EBF2: variants seen among roughly 807,000 people sequenced by gnomAD.
The protein encoded by EBF2 is EBF transcription factor 2.
In EBF2, 21 loss-of-function variants were observed where a neutral mutation model predicts 72.8. The ratio of observed to expected loss-of-function variants is 0.29; its 90% CI spans 0.20 to 0.42. The LOEUF is 0.42. Ranked by LOEUF, EBF2 falls within the 10% of genes least tolerant of loss-of-function variation. The pLI is 1.00. For synonymous variants in EBF2, 299 were observed against 274.2 expected (o/e 1.09, Z -0.89); for missense variants, 637 against 731.2 (o/e 0.87, Z 1.49).
At chr8:25,976,843 G>C (rs754256488) in intron 6 of EBF2, among the ~76,000 whole-genome samples, 1 of 152,202 alleles carries the variant, frequency 6.6e-6, no homozygotes, top group African/African-American at 2.4e-5. Context: ...GATAATAAAG[G>C]GTTTAAACTT....
intron 6 of EBF2, among the ~76,000 whole-genome samples, chr8:25,956,787 A>G (rs1803955896): frequency 6.6e-6 from 1 of 152,166 alleles, no homozygotes; most frequent in African/African-American, 2.4e-5. Context: ...TCCACTCCTC[A>G]CCTAATTTTC....
intron 10 of EBF2, among the ~76,000 whole-genome samples, chr8:25,874,831 C>A (rs1338144846): frequency 6.6e-6 from 1 of 150,716 alleles, no homozygotes; most frequent in Non-Finnish European, 1.5e-5. Flanking sequence ...ACTACAAGCC[C>A]ATGCCCCACC....
At chr8:25,919,103 G>T (rs1221718236) in intron 6 of EBF2, among the ~76,000 whole-genome samples, 2 of 152,178 alleles carry the variant, frequency 1.3e-5, no homozygotes, top group Non-Finnish European at 1.5e-5. Flanking sequence ...CCTCTTTCAT[G>T]CTGGAGAGTG....
At chr8:25,902,320 T>C (rs1441526833) in intron 7 of EBF2, among the ~76,000 whole-genome samples, 1 of 152,144 alleles carries the variant, frequency 6.6e-6, no homozygotes, top group African/African-American at 2.4e-5. Context: ...ACATTTCTTT[T>C]CTTTTCCTTC....
intron 6 of EBF2, among the ~76,000 whole-genome samples, chr8:26,002,520 C>A (rs947045502): frequency 6.6e-6 from 1 of 151,962 alleles, no homozygotes; most frequent in African/African-American, 2.4e-5. Flanking sequence ...GGGCTGAGCA[C>A]TTCTCTGCCT....
At chr8:25,993,934 T>G (rs1804583303) in intron 6 of EBF2, among the ~76,000 whole-genome samples, 1 of 152,100 alleles carries the variant, frequency 6.6e-6, no homozygotes, top group African/African-American at 2.4e-5. Flanking sequence ...GGATATGGCC[T>G]AAGAGTTTTA....
intron 6 of EBF2, among the ~76,000 whole-genome samples, chr8:25,979,989 G>T (rs1222810745): frequency 6.6e-6 from 1 of 151,540 alleles, no homozygotes; most frequent in Non-Finnish European, 1.5e-5. Flanking sequence ...TCTGAAAAAT[G>T]AAAAGGAAAA....
At chr8:25,942,496 G>A (rs942641771) in intron 6 of EBF2, among the ~76,000 whole-genome samples, 9 of 152,204 alleles carry the variant, frequency 5.9e-5, no homozygotes, top group African/African-American at 2.2e-4. Flanking sequence ...TGGACACAAT[G>A]TCCCCTTGGG....
In EBF2 at chr8:26,036,492, T is replaced by C. The variant is rs376179964; in HGVS notation, c.483-3339A>G. Among the ~76,000 whole-genome samples, 8 of 152,322 alleles carry C rather than the reference T, an allele frequency of 5.3e-5. No individual in the cohort carries two copies. The South Asian group carries it at 1.7e-3, about 32-fold the overall frequency. On this transcript the variant is annotated intron_variant, in intron 5 of 15. Transcript: ENST00000520164. ...TAGAACTTGGTTGAATTAGCCCCAT[T>C]TGAGCCCATCTTAAATTTTTTTCTG...
intron 6 of EBF2, among the ~76,000 whole-genome samples, chr8:25,964,318 C>A (rs186347439): frequency 6.6e-6 from 1 of 152,268 alleles, no homozygotes; most frequent in African/African-American, 2.4e-5. Flanking sequence ...TGGCAAATTG[C>A]ACACAACCAA....
intron 6 of EBF2, among the ~76,000 whole-genome samples, chr8:25,919,963 T>C (rs1803281352): frequency 6.6e-6 from 1 of 152,204 alleles, no homozygotes; most frequent in African/African-American, 2.4e-5. Context: ...TTGGAGAGTT[T>C]TTATATGCCA....
chr8:25,870,283 C>G (rs952325159), intron 10 of EBF2, among the ~76,000 whole-genome samples: 5 of 151,768 alleles, frequency 3.3e-5, no homozygotes, highest in African/African-American at 1.2e-4. Context: ...ATTTTGTTAG[C>G]CAAAGTGCAG....
At chr8:25,857,656 A>T (rs1197048832) in intron 14 of EBF2, among the ~76,000 whole-genome samples, 1 of 152,156 alleles carries the variant, frequency 6.6e-6, no homozygotes, top group Non-Finnish European at 1.5e-5. Context: ...GGGTTTTCAC[A>T]ACTTCCCAGA....
At chr8:26,002,611 A>T (rs942796088) in intron 6 of EBF2, among the ~76,000 whole-genome samples, 1 of 152,188 alleles carries the variant, frequency 6.6e-6, no homozygotes, top group Non-Finnish European at 1.5e-5. Flanking sequence ...TAACAGGCAG[A>T]GGCTCGGGCT....
intron 10 of EBF2, among the ~76,000 whole-genome samples, chr8:25,881,105 C>A (rs1802599468): frequency 6.6e-6 from 1 of 152,194 alleles, no homozygotes; most frequent in Non-Finnish European, 1.5e-5. Flanking sequence ...CCCCACTGGC[C>A]TCCAAGTGAC....
intron 6 of EBF2, among the ~76,000 whole-genome samples, chr8:25,984,936 GAAAAA>G (rs35911115): frequency 4.1e-4 from 59 of 144,136 alleles, no homozygotes; most frequent in African/African-American, 1.5e-3. Flanking sequence ...CTCAGCTTCT[GAAAAA>G]AAAAAAAAAA....
chr8:25,984,013 G>A (rs923983104), intron 6 of EBF2, among the ~76,000 whole-genome samples: 1 of 152,230 alleles, frequency 6.6e-6, no homozygotes, highest in African/African-American at 2.4e-5. Flanking sequence ...CCTGCCATGT[G>A]CGGGGCTTTC....
intron 6 of EBF2, among the ~76,000 whole-genome samples, chr8:25,986,304 T>C (rs73675764): frequency 0.015 from 2,322 of 152,196 alleles, 68 homozygotes; most frequent in African/African-American, 0.053. Flanking sequence ...TTCATGAAGC[T>C]TTCCTGTACT....
intron 6 of EBF2, among the ~76,000 whole-genome samples, chr8:25,999,270 T>C (rs764852608): frequency 5.1e-4 from 78 of 152,160 alleles, no homozygotes; most frequent in Middle Eastern, 3.2e-3. Context: ...TCTATTTTCT[T>C]CTCCTCAAGA....
Sources: gnomAD v4.1 joint callset for allele counts (sites outside exome capture counted in the v4.1 genomes callset) on GRCh38, gnomAD v4.1.1 for gene constraint, MANE v1.5 for transcripts, NCBI Gene and HGNC (gene_info 2026-07-23, HGNC 2026-07-21) for gene names.